The following SMARCA2 variants were observed in gnomAD, a reference collection of about 807,000 sequenced individuals.
SMARCA2 encodes the protein SWI/SNF-related matrix-associated actin-dependent regulator of chromatin subfamily A member 2.
SMARCA2 carries 61 observed loss-of-function variants against 199.8 expected under a neutral mutation model. That is an observed-to-expected ratio of 0.31 (90% confidence interval 0.25 to 0.38). SMARCA2 has a LOEUF of 0.38. SMARCA2 is among the 10% of genes least tolerant of loss of function. SMARCA2 has a pLI of 1.00. For synonymous variants in SMARCA2, 935 were observed against 732.0 expected (o/e 1.28, Z -4.48); for missense variants, 1,344 against 2,012.2 (o/e 0.67, Z 6.35).
intron 3 of SMARCA2, among the ~76,000 whole-genome samples, chr9:2,036,325 T>C (rs930970512): frequency 7.2e-5 from 11 of 152,124 alleles, no homozygotes; most frequent in Non-Finnish European, 1.3e-4. Context: ...ATAATAGCCC[T>C]TGAAGACTAG....
intron 1 of SMARCA2, among the ~76,000 whole-genome samples, chr9:2,022,353 G>C (rs1818642843): frequency 6.6e-6 from 1 of 152,148 alleles, no homozygotes; most frequent in South Asian, 2.1e-4. Flanking sequence ...TGAAGTTGTA[G>C]TCAGCTACTG....
rs1387605287 is a variant in SMARCA2 at position 2,039,479 on chromosome 9, A to G, written c.369A>G (p.Pro123=). Residue 123 remains proline, a synonymous_variant, in exon 4 of 34, where the codon CCA becomes CCG. Transcript: ENST00000349721. The surrounding 1 kb of genome is among the most constrained non-coding windows in gnomAD (Gnocchi z 4.8). ...GTTTTATTTTAGGTTATATGTCACC[A>G]CACCCATCTCCATTAGGAGCCCCAG... ...MDQHSQGYMS[P]HPSPLGAPEH... is the part of the protein sequence containing the mutation. 1.2e-6 allele frequency: 2 copies of G among 1,613,570 alleles called. No homozygotes were observed. Among genetic ancestry groups the G allele is most frequent in the African/African-American group, 2.7e-5 (2 of 74,814 alleles).
chr9:2,102,132 AGTGTGTGTGTGT>A (rs71327397), intron 22 of SMARCA2, among the ~76,000 whole-genome samples: 38 of 148,106 alleles, frequency 2.6e-4, no homozygotes, highest in Admixed American at 1.9e-3. Context: ...ATTAACAGAA[AGTGTGTGTGTGT>A]GTGTGTGTGT....
rs1429065721 is a variant in SMARCA2, at chr9:2,084,341, T to A, written c.2526+145T>A. On this transcript the variant is annotated intron_variant, in intron 17 of 33. Transcript: ENST00000349721. ...TAAAATTTTTTCAGAGTTTGATATGTTTTGGTCGTGGATTTGATTTCATGC... is the reference window on the plus strand; with the variant it reads ...TAAAATTTTTTCAGAGTTTGATATGATTTGGTCGTGGATTTGATTTCATGC... 4 of 594,502 alleles carry A rather than the reference T, an allele frequency of 6.7e-6. No individual in the cohort carries two copies. The African/African-American group carries it at 7.5e-5, about 11-fold the overall frequency. The allele number at this position is 594,502 out of a possible 1,614,324, so 36.8% of individuals were successfully genotyped here.
At chr9:2,030,535 C>T (rs1210417844) in intron 2 of SMARCA2, among the ~76,000 whole-genome samples, 1 of 150,228 alleles carries the variant, frequency 6.7e-6, no homozygotes, top group Non-Finnish European at 1.5e-5. Context: ...TTCTCCTTTC[C>T]TCTAGCTTTT....
intron 23 of SMARCA2, among the ~76,000 whole-genome samples, chr9:2,107,025 C>A (rs1822782337): frequency 6.6e-6 from 1 of 152,088 alleles, no homozygotes; most frequent in Non-Finnish European, 1.5e-5. Context: ...TCTTGAGCCA[C>A]TTGCAAGGAG....
chr9:2,087,248 G>A (rs1250441911), intron 18 of SMARCA2, 177 bp downstream of exon 18: 1 of 695,626 alleles, frequency 1.4e-6, no homozygotes, highest in Non-Finnish European at 2.4e-6. Flanking sequence ...TCCCCTCCTA[G>A]GAAAATGGAT....
intron 5 of SMARCA2, among the ~76,000 whole-genome samples, chr9:2,049,861 T>A (rs961582675): frequency 6.6e-6 from 1 of 152,244 alleles, no homozygotes; most frequent in Non-Finnish European, 1.5e-5. Context: ...GCCTTTAGCA[T>A]TGATAACTGT....
At chr9:2,059,673 A>T (rs1820500392) in intron 8 of SMARCA2, among the ~76,000 whole-genome samples, 1 of 152,184 alleles carries the variant, frequency 6.6e-6, no homozygotes, top group South Asian at 2.1e-4. Flanking sequence ...AGTGAGTTCA[A>T]CCATAACCGA....
chr9:2,016,376 G>A lies in SMARCA2; in HGVS notation c.-37+972G>A, dbSNP rs1348910175. 6.6e-6 allele frequency: 1 copy of A among 152,302 alleles called. No homozygotes were observed. Among genetic ancestry groups the A allele is most frequent in the Non-Finnish European group, 1.5e-5 (1 of 68,128 alleles). 9.4% of individuals were successfully genotyped at this position (152,302 alleles called of 1,614,324 possible). On this transcript the variant is annotated intron_variant, in intron 1 of 33. Transcript: ENST00000349721. The surrounding 1 kb of genome is among the most constrained non-coding windows in gnomAD (Gnocchi z 5.6). ...AGGGAAGGGAGGAGGCCCCCAAGGAGGTCGGAGGTGCCCGCCAGCCTCCGT... is the reference window on the plus strand; with the variant it reads ...AGGGAAGGGAGGAGGCCCCCAAGGAAGTCGGAGGTGCCCGCCAGCCTCCGT...
chr9:2,096,770 T>A lies in SMARCA2; in HGVS notation c.2991+6T>A, dbSNP rs1822290200. 1.3e-6 allele frequency: 2 copies of A among 1,566,412 alleles called. No individual in the cohort carries two copies. Among genetic ancestry groups the A allele is most frequent in the Non-Finnish European group, 1.8e-6 (2 of 1,136,402 alleles). ...GTTCTGAGAAAGATAAGAAGGTACG[T>A]TGCGAAAGATGATGCAACTCAAGGT... On this transcript the variant is annotated splice_donor_region_variant and intron_variant, in intron 20 of 33. Transcript: ENST00000349721.
At chr9:2,070,317 T>TG in intron 9 of SMARCA2, 101 bp from the exon 10 acceptor site, 1 of 899,406 alleles carries the variant, frequency 1.1e-6, no homozygotes, top group Non-Finnish European at 1.8e-6. Flanking sequence ...TAGATAATAA[T>TG]GGGGTAACAA....
chr9:2,149,386 G>A (rs1586756995), intron 27 of SMARCA2, among the ~76,000 whole-genome samples: 1 of 151,298 alleles, frequency 6.6e-6, no homozygotes, highest in South Asian at 2.1e-4. Context: ...CAGGCATGAT[G>A]GTGGGTGCCC....
At chr9:2,052,366 T>G (rs143946057) in intron 5 of SMARCA2, among the ~76,000 whole-genome samples, 2 of 152,060 alleles carry the variant, frequency 1.3e-5, no homozygotes, top group Non-Finnish European at 2.9e-5. Flanking sequence ...CCCAGCTACA[T>G]GGGAGGCTGA....
rs1818387277 is a variant in SMARCA2 at position 2,017,115 on chromosome 9, C to G, written c.-37+1711C>G. 6.6e-6 allele frequency: 1 copy of G among 152,440 alleles called. No homozygotes were observed. The highest frequency in any genetic ancestry group is 3.4e-3 in the Middle Eastern group (1 of 298). 9.4% of individuals were successfully genotyped at this position (152,440 alleles called of 1,614,324 possible). ...CCGGTACACGCGGGGAAATCGCCTC[C>G]TGCCAGTGTCTGATCGCTCGCCTCC... On this transcript the variant is annotated intron_variant, in intron 1 of 33. Transcript: ENST00000349721. The surrounding 1 kb of genome is among the most constrained non-coding windows in gnomAD (Gnocchi z 8.8).
At chr9:2,177,878 C>T (rs1255483897) in intron 29 of SMARCA2, among the ~76,000 whole-genome samples, 1 of 152,202 alleles carries the variant, frequency 6.6e-6, no homozygotes, top group Non-Finnish European at 1.5e-5. Flanking sequence ...ACTAGCATAT[C>T]AGCCTTCAGC....
At chr9:2,090,233 T>C (rs1007584810) in intron 19 of SMARCA2, among the ~76,000 whole-genome samples, 4 of 152,208 alleles carry the variant, frequency 2.6e-5, no homozygotes, top group Non-Finnish European at 4.4e-5. Flanking sequence ...GAAATGTATC[T>C]ACCCTCAAAT....
chr9:2,066,947 G>GT (rs916744419), intron 9 of SMARCA2, among the ~76,000 whole-genome samples: 4 of 152,114 alleles, frequency 2.6e-5, no homozygotes, highest in African/African-American at 4.8e-5. Context: ...GTTTTGCTTT[G>GT]TTTTTTTAAG....
chr9:2,092,323 A>G (rs1441044563), intron 19 of SMARCA2, among the ~76,000 whole-genome samples: 1 of 152,230 alleles, frequency 6.6e-6, no homozygotes, highest in Non-Finnish European at 1.5e-5. Flanking sequence ...AAACACCAAC[A>G]AAGCTTTGCT....
Sources: allele counts gnomAD v4.1 joint callset (sites outside exome capture counted in the v4.1 genomes callset), GRCh38; gene constraint gnomAD v4.1.1; non-coding constraint Gnocchi (gnomAD v3.1); transcripts MANE v1.5; gene names NCBI Gene and HGNC (gene_info 2026-07-23, HGNC 2026-07-21).